The following BCL7A variants were observed in gnomAD, a reference collection of about 807,000 sequenced individuals.
BCL7A encodes the protein BAF chromatin remodeling complex subunit BCL7A, also known as B-cell CLL/lymphoma 7 protein family member A.
Under a neutral mutation model 28.4 loss-of-function variants are expected in BCL7A, and 11 were observed. That is an observed-to-expected ratio of 0.39 (90% CI 0.24 to 0.64). BCL7A has a LOEUF of 0.64. Ranked by LOEUF, BCL7A falls within the 30% of genes least tolerant of loss-of-function variation. The pLI, the probability that BCL7A is intolerant of heterozygous loss-of-function variation, is 0.50. For missense variants in BCL7A, 222 were observed against 274.8 expected, an observed-to-expected ratio of 0.81 and a Z score of 1.36; for synonymous variants, 123 against 103.3, an observed-to-expected ratio of 1.19 and a Z score of -1.15.
intron 1 of BCL7A, among the ~76,000 whole-genome samples, chr12:122,023,242 T>C (rs188318448): frequency 1.3e-5 from 2 of 152,296 alleles, no homozygotes; most frequent in African/African-American, 4.8e-5. Context: ...ATTTCAACTT[T>C]ATTATTTTTT....
At chr12:122,025,626 C>CAA (rs1225688378) in intron 1 of BCL7A, among the ~76,000 whole-genome samples, 1 of 125,818 alleles carries the variant, frequency 7.9e-6, no homozygotes. Flanking sequence ...GACTCCATCT[C>CAA]AAAAAAAAAA....
Position 122,059,281 on chromosome 12 carries a change from T to A in BCL7A, c.*118T>A. ...CGAACAGAACTACTAACGTTTCAAG[T>A]TTACCAAGTGCAAATCCAAGAAGAC... is the stretch of plus-strand genomic sequence containing the variant. On this transcript the variant is annotated 3_prime_UTR_variant, in exon 6 of 6. Transcript: ENST00000261822. This position sits in a 1 kb window ranked among gnomAD's most constrained non-coding sequence, Gnocchi z 4.0. 1 of 937,744 alleles carries A rather than the reference T, an allele frequency of 1.1e-6. No individual in the cohort carries two copies. Among genetic ancestry groups the A allele is most frequent in the Non-Finnish European group, 1.6e-6 (1 of 613,746 alleles). The allele number at this position is 937,744 out of a possible 1,614,324, so 58.1% of individuals were successfully genotyped here. A position where few individuals can be genotyped will look rare whatever the true frequency, so the allele number is the denominator to read the frequency against.
intron 1 of BCL7A, among the ~76,000 whole-genome samples, chr12:122,026,499 G>A (rs1883633155): frequency 6.6e-6 from 1 of 152,212 alleles, no homozygotes; most frequent in Non-Finnish European, 1.5e-5. Context: ...CCTGGTCTGA[G>A]GGTTCCCTCA....
intron 5 of BCL7A, 135 bp downstream of exon 5, chr12:122,055,061 A>T: frequency 6.4e-7 from 1 of 1,553,526 alleles, no homozygotes. Context: ...TCATTTGTCC[A>T]TTGGGCTATG....
intron 3 of BCL7A, among the ~76,000 whole-genome samples, chr12:122,040,255 C>T (rs1218667001): frequency 6.6e-6 from 1 of 152,064 alleles, no homozygotes; most frequent in African/African-American, 2.4e-5. Context: ...TTGTGGCTGG[C>T]CGTGGTGGCT....
At chr12:122,028,847 G>A (rs1349835163) in intron 1 of BCL7A, among the ~76,000 whole-genome samples, 2 of 152,152 alleles carry the variant, frequency 1.3e-5, no homozygotes, top group African/African-American at 4.8e-5. Context: ...CTATTGTGAT[G>A]GTTGCTCTAA....
At chr12:122,051,509 C>G (rs1884190793) in intron 4 of BCL7A, among the ~76,000 whole-genome samples, 1 of 152,178 alleles carries the variant, frequency 6.6e-6, no homozygotes, top group Non-Finnish European at 1.5e-5. Flanking sequence ...CACCGCAGCG[C>G]CCAGAGAATC....
At chr12:122,031,350 G>A (rs1883739956) in intron 2 of BCL7A, among the ~76,000 whole-genome samples, 2 of 140,128 alleles carry the variant, frequency 1.4e-5, no homozygotes, top group African/African-American at 2.5e-5. Flanking sequence ...CTTCTGGGCC[G>A]AGCGCCCCCC....
In BCL7A at chr12:122,061,375, G is replaced by T. The variant is rs1317782995; in HGVS notation, c.*2212G>T. ...GCTGTCACTAGTATTTCTCTGAAGT[G>T]CCTGAAGGTAGGAATGGGCCGGCGA... is the stretch of plus-strand genomic sequence containing the variant. On this transcript the variant is annotated 3_prime_UTR_variant, in exon 6 of 6. Transcript: ENST00000261822. 1.3e-5 allele frequency: 3 copies of T among 231,484 alleles called. No homozygotes were observed. Among genetic ancestry groups the T allele is most frequent in the Non-Finnish European group, 2.6e-5 (3 of 117,036 alleles). 14.3% of individuals were successfully genotyped at this position (231,484 alleles called of 1,614,324 possible). A position where few individuals can be genotyped will look rare whatever the true frequency, so the allele number is the denominator to read the frequency against.
chr12:122,041,784 A>G (rs555274342), intron 3 of BCL7A, among the ~76,000 whole-genome samples: 201 of 152,010 alleles, frequency 1.3e-3, no homozygotes, highest in African/African-American at 4.2e-3. Flanking sequence ...AAATACATAA[A>G]TGGCTGGGTG....
chr12:122,050,413 C>T (rs985179124), intron 4 of BCL7A, among the ~76,000 whole-genome samples: 1 of 152,160 alleles, frequency 6.6e-6, no homozygotes, highest in Admixed American at 6.5e-5. Flanking sequence ...TAAAATCACC[C>T]CCTGCTGAGA....
At chr12:122,025,829 C>A (rs1883615201) in intron 1 of BCL7A, among the ~76,000 whole-genome samples, 1 of 150,804 alleles carries the variant, frequency 6.6e-6, no homozygotes, top group Non-Finnish European at 1.5e-5. Flanking sequence ...CGCCTGTAAT[C>A]CCAGCTACTC....
intron 1 of BCL7A, among the ~76,000 whole-genome samples, chr12:122,022,505 G>A (rs1377901405): frequency 6.9e-6 from 1 of 145,830 alleles, no homozygotes; most frequent in Non-Finnish European, 1.5e-5. Flanking sequence ...CCGGGAGGGG[G>A]GCTCGGGGCC....
At chr12:122,046,296 C>T (rs1414375691) in intron 4 of BCL7A, among the ~76,000 whole-genome samples, 3 of 152,024 alleles carry the variant, frequency 2.0e-5, no homozygotes, top group Admixed American at 6.6e-5. Flanking sequence ...AGGTCTGGAG[C>T]GCCTTGCACA....
At position 122,061,066 on chromosome 12, in the gene BCL7A, C is replaced by T. The variant is rs1951917134; in HGVS notation, c.*1903C>T. 4.4e-6 allele frequency: 1 copy of T among 226,784 alleles called. No individual in the cohort carries two copies. The highest frequency in any genetic ancestry group is 2.2e-5 in the African/African-American group (1 of 44,924). The allele number at this position is 226,784 out of a possible 1,614,324, so 14.0% of individuals were successfully genotyped here. A position where few individuals can be genotyped will look rare whatever the true frequency, so the allele number is the denominator to read the frequency against. ...GCAGAACCTACCTGATGCGGTTCCT[C>T]TCCACGCATCTCGAGGCGGCGTTAC... On this transcript the variant is annotated 3_prime_UTR_variant, in exon 6 of 6. Coordinates refer to ENST00000261822, the MANE Select transcript of BCL7A (RefSeq NM_001024808.3).
intron 4 of BCL7A, among the ~76,000 whole-genome samples, chr12:122,046,771 C>A (rs922497717): frequency 6.6e-6 from 1 of 152,188 alleles, no homozygotes; most frequent in Non-Finnish European, 1.5e-5. Context: ...GGGGCAGTTA[C>A]CAGCTGAAGC....
At position 122,030,706 on chromosome 12, in the gene BCL7A, G is replaced by A; in HGVS notation, c.99G>A (p.Lys33=). The change falls in exon 2 of 6, where the codon AAG becomes AAA. Residue 33 remains lysine (K), a synonymous_variant. Coordinates refer to ENST00000261822, the MANE Select transcript of BCL7A (RefSeq NM_001024808.3). ...AAIEKVRKWE[K]KWVTVGDTSL... Reference sequence around the variant, plus strand: ...TCTTCCTCATCCTCCTCAGGGAGAAGAAATGGGTGACCGTTGGTGACACAT... The same window carrying A: ...TCTTCCTCATCCTCCTCAGGGAGAAAAAATGGGTGACCGTTGGTGACACAT... 6.2e-7 allele frequency: 1 copy of A among 1,613,950 alleles called. No individual in the cohort carries two copies. Among genetic ancestry groups the A allele is most frequent in the Non-Finnish European group, 8.5e-7 (1 of 1,179,860 alleles).
chr12:122,031,354 G>GCC (rs386377999), intron 2 of BCL7A, among the ~76,000 whole-genome samples: 36,997 of 151,248 alleles, frequency 0.24, 5,316 homozygotes, highest in East Asian at 0.46. Context: ...TGGGCCGAGC[G>GCC]CCCCCCCCAG....
intron 4 of BCL7A, among the ~76,000 whole-genome samples, chr12:122,053,560 C>T (rs917941525): frequency 6.6e-6 from 1 of 152,178 alleles, no homozygotes; most frequent in African/African-American, 2.4e-5. Context: ...TGCTTTTTAA[C>T]ATCAGGGTAC....
Sources: gnomAD v4.1 joint callset for allele counts (sites outside exome capture counted in the v4.1 genomes callset) on GRCh38, gnomAD v4.1.1 for gene constraint, Gnocchi (gnomAD v3.1) non-coding constraint, MANE v1.5 for transcripts, NCBI Gene and HGNC (gene_info 2026-07-23, HGNC 2026-07-21) for gene names.